The following ZMYM2 variants were observed in gnomAD, a reference collection of about 807,000 sequenced individuals.
The protein encoded by ZMYM2 is zinc finger MYM-type containing 2, also known as zinc finger MYM-type protein 2.
In ZMYM2, 56 loss-of-function variants were observed where a neutral mutation model predicts 162.8. The ratio of observed to expected loss-of-function variants is 0.34; its 90% CI spans 0.28 to 0.43. The LOEUF (loss-of-function observed/expected upper bound fraction) is 0.43, where lower values mean the gene tolerates loss of function less well. ZMYM2 is among the 20% of genes least tolerant of loss of function. ZMYM2 has a pLI of 1.00. For synonymous variants in ZMYM2, 510 were observed against 541.6 expected (o/e 0.94, Z 0.81); for missense variants, 1,275 against 1,621.8 (o/e 0.79, Z 3.67).
At chr13:19,901,649 G>A in the ZMYM2 span, among the ~76,000 whole-genome samples, 1 of 152,054 alleles carries the variant, frequency 6.6e-6, no homozygotes, top group Non-Finnish European at 1.5e-5. Context: ...GCTAATTTTT[G>A]TATTTTTAGT....
the ZMYM2 span, among the ~76,000 whole-genome samples, chr13:19,868,398 A>G: frequency 6.6e-6 from 1 of 152,180 alleles, no homozygotes; most frequent in East Asian, 1.9e-4. Flanking sequence ...TTTTGATATG[A>G]TCTGAGTCAT....
intron 7 of ZMYM2, among the ~76,000 whole-genome samples, chr13:20,024,224 C>G (rs1952374637): frequency 1.3e-5 from 2 of 152,148 alleles, no homozygotes; most frequent in South Asian, 4.1e-4. Flanking sequence ...TGAGCCACTG[C>G]ACCCGGCCTT....
At chr13:19,977,523 T>G (rs1290463687) in intron 2 of ZMYM2, among the ~76,000 whole-genome samples, 2 of 151,788 alleles carry the variant, frequency 1.3e-5, no homozygotes, top group African/African-American at 2.4e-5. Context: ...GACGGAGTCT[T>G]TCTTTGTCAC....
chr13:20,003,336 T>C (rs1219040532), intron 4 of ZMYM2, among the ~76,000 whole-genome samples: 1 of 152,196 alleles, frequency 6.6e-6, no homozygotes, highest in Non-Finnish European at 1.5e-5. Context: ...GTAATCTCCA[T>C]TGGACTCTTT....
intron 24 of ZMYM2, among the ~76,000 whole-genome samples, chr13:20,084,055 G>A (rs1377533177): frequency 6.6e-6 from 1 of 152,154 alleles, no homozygotes; most frequent in Non-Finnish European, 1.5e-5. Flanking sequence ...TCTCACCGAG[G>A]CTGGAGTACA....
chr13:19,884,055 G>T, the ZMYM2 span, among the ~76,000 whole-genome samples: 1 of 152,128 alleles, frequency 6.6e-6, no homozygotes, highest in Admixed American at 6.6e-5. Context: ...CCCGGGCGTG[G>T]CCTATATATA....
chr13:20,040,270 T>C (rs544017608), intron 12 of ZMYM2, among the ~76,000 whole-genome samples: 36 of 152,246 alleles, frequency 2.4e-4, no homozygotes, highest in South Asian at 8.3e-4. Context: ...TCGGAGCTCA[T>C]TGTTGGTTTG....
At position 20,026,450 on chromosome 13, in the gene ZMYM2, CA is replaced by C. The variant is rs1952589312; in HGVS notation, c.1585-161del. 1.0e-5 allele frequency: 6 copies of C among 572,990 alleles called. No homozygotes were observed. The East Asian group carries it at 1.9e-4, about 18-fold the overall frequency. The allele number at this position is 572,990 out of a possible 1,614,324, so 35.5% of individuals were successfully genotyped here. Reference sequence around the variant, plus strand: ...TTTGTTTGGACCTTAGCAGTTGTTGCATAGTTAATAGTTTGTATGTAGATGA... The same window carrying C: ...TTTGTTTGGACCTTAGCAGTTGTTGCTAGTTAATAGTTTGTATGTAGATGA... On this transcript the variant is annotated intron_variant, in intron 7 of 24. Transcript: ENST00000610343.
At chr13:19,903,483 C>CAAAAAAAAA in the ZMYM2 span, among the ~76,000 whole-genome samples, 1,318 of 83,596 alleles carry the variant, frequency 0.016, 1 homozygote, top group African/African-American at 0.021. Context: ...ACTAAAAATA[C>CAAAAAAAAA]AAAAAAAAAA....
Position 20,058,607 on chromosome 13 carries a change from CAA to C in ZMYM2, c.2528_2529del (p.Lys843ArgfsTer21), listed in dbSNP as rs2140727029. 6.2e-7 allele frequency: 1 copy of C among 1,613,706 alleles called. No homozygotes were observed. On this transcript the variant is annotated frameshift_variant, in exon 15 of 25. Transcript: ENST00000610343. LOFTEE classifies it high-confidence loss of function. ...CACCACCCCCTTCTCCAACACCTAA[CAA>C]AGAGATGAAGAACAAAGCAGTTCTT... The part of the protein sequence containing the change: ...SAPPPSPTPN[K>X]EMKNKAVLCK...
the ZMYM2 span, among the ~76,000 whole-genome samples, chr13:19,920,021 C>G: frequency 5.3e-5 from 8 of 152,124 alleles, no homozygotes; most frequent in African/African-American, 1.9e-4. Flanking sequence ...GTTGTCCAGT[C>G]TGGTCTCGAA....
chr13:20,032,523 G>A (rs1953262558), intron 10 of ZMYM2, among the ~76,000 whole-genome samples: 2 of 149,540 alleles, frequency 1.3e-5, no homozygotes, highest in South Asian at 4.3e-4. Flanking sequence ...ATTAGGAGCT[G>A]TTGGTGAGTC....
the ZMYM2 span, among the ~76,000 whole-genome samples, chr13:19,883,450 A>G: frequency 6.6e-6 from 1 of 152,210 alleles, no homozygotes; most frequent in East Asian, 1.9e-4. Flanking sequence ...TTGACGCGAA[A>G]ACTTCGGGAT....
At chr13:20,017,554 G>A (rs1309250264) in intron 6 of ZMYM2, among the ~76,000 whole-genome samples, 10 of 150,872 alleles carry the variant, frequency 6.6e-5, no homozygotes, top group Admixed American at 2.0e-4. Flanking sequence ...GTTTTTGGAG[G>A]ACTTTTCTAA....
chr13:19,949,419 C>CA, the ZMYM2 span, among the ~76,000 whole-genome samples: 1 of 151,024 alleles, frequency 6.6e-6, no homozygotes, highest in Admixed American at 6.6e-5. Flanking sequence ...GTCTCAAAAA[C>CA]AAAAAACAAA....
At chr13:19,978,862 CTT>C (rs1957033330) in intron 2 of ZMYM2, among the ~76,000 whole-genome samples, 1 of 152,128 alleles carries the variant, frequency 6.6e-6, no homozygotes, top group Non-Finnish European at 1.5e-5. Context: ...TTGAGTTACT[CTT>C]CAGTGTTTTA....
In ZMYM2 at chr13:20,001,835, T is replaced by G. The variant is rs1294145165; in HGVS notation, c.848-1015T>G. Among the ~76,000 whole-genome samples the G allele has an allele frequency of 3.9e-5, 6 of 152,252 alleles. No homozygotes were observed. In the East Asian group the frequency reaches 9.6e-4, roughly 24 times the overall value. On this transcript the variant is annotated intron_variant, in intron 3 of 24. Transcript: ENST00000610343. ...ACAGCTTGATGAAAGCTCACATGAT[T>G]AGTGTTTTTTAGCAATAAAGTATTT...
chr13:19,880,201 C>T, the ZMYM2 span, among the ~76,000 whole-genome samples: 1 of 152,124 alleles, frequency 6.6e-6, no homozygotes, highest in Non-Finnish European at 1.5e-5. Flanking sequence ...GAGCTAATTC[C>T]TATAATAAAG....
chr13:20,000,175 T>A (rs1482173296), intron 3 of ZMYM2, among the ~76,000 whole-genome samples: 1 of 152,218 alleles, frequency 6.6e-6, no homozygotes, highest in Non-Finnish European at 1.5e-5. Context: ...GACATTTCCT[T>A]AAGCCAAAGC....
Sources: allele counts gnomAD v4.1 joint callset (sites outside exome capture counted in the v4.1 genomes callset), GRCh38; gene constraint gnomAD v4.1.1; transcripts MANE v1.5; gene names NCBI Gene and HGNC (gene_info 2026-07-23, HGNC 2026-07-21).